MINDY1: variants seen among roughly 807,000 people sequenced by gnomAD.
The protein encoded by MINDY1 is MINDY lysine 48 deubiquitinase 1.
In MINDY1, 50 loss-of-function variants were observed where a neutral mutation model predicts 53.6. The observed-to-expected ratio is 0.93, with a 90% confidence interval of 0.74 to 1.18. The LOEUF is 1.18. Ranked by LOEUF, MINDY1 falls within the 50% of genes most tolerant of loss-of-function variation. The pLI, the probability that MINDY1 is intolerant of heterozygous loss-of-function variation, is 0.00. For missense variants in MINDY1, 484 were observed against 578.6 expected (o/e 0.84, Z 1.68); for synonymous variants, 231 against 234.7 (o/e 0.98, Z 0.14).
chr1:151,001,446 C>T (rs1558055738), intron 3 of MINDY1, 132 bp from the exon 4 acceptor site: 1 of 1,070,206 alleles, frequency 9.3e-7, no homozygotes, highest in East Asian at 2.4e-5. Flanking sequence ...AGAGTCTAAT[C>T]CAGACTCTTC....
At chr1:151,007,215 A>G (rs587738661), upstream of MINDY1, among the ~76,000 whole-genome samples, 1 of 152,298 alleles carries the variant, frequency 6.6e-6, no homozygotes, top group East Asian at 1.9e-4. Flanking sequence ...GTGTGGTAGA[A>G]GCCCCAGGCT....
chr1:151,000,324 G>T, intron 5 of MINDY1, 133 bp downstream of exon 5: 2 of 899,276 alleles, frequency 2.2e-6, no homozygotes, highest in Non-Finnish European at 1.7e-6. Context: ...TCTGTACTGG[G>T]TCCAGTCTCT....
chr1:151,005,756 G>A (rs971834065), intron 1 of MINDY1, among the ~76,000 whole-genome samples: 1 of 152,182 alleles, frequency 6.6e-6, no homozygotes, highest in Non-Finnish European at 1.5e-5. Context: ...GAAAGAATGA[G>A]GGAGAGGATA....
In MINDY1 at chr1:150,998,243, C is replaced by G. The variant is rs755785154; in HGVS notation, c.1012G>C (p.Gly338Arg). 1.2e-5 allele frequency: 19 copies of G among 1,613,948 alleles called. No individual in the cohort carries two copies. Among genetic ancestry groups the G allele is most frequent in the Non-Finnish European group, 1.6e-5 (19 of 1,180,002 alleles). ...SHLYLLVTDQ[G>R]FLQEEQVVWE... The stretch of plus-strand genomic sequence containing the variant: ...ACGACTTGCTCCTCCTGTAGAAAGC[C>G]CTGGTCAGTGACCAGTAGGTATAAG... Residue 338 changes from glycine (G) to arginine (R), a missense_variant, in exon 8 of 10, where the codon GGC becomes CGC. Transcript: ENST00000683666.
In MINDY1 at chr1:151,002,034, C is replaced by T; in HGVS notation, c.453+131G>A. On this transcript the variant is annotated intron_variant, in intron 2 of 9. Transcript: ENST00000683666. This position sits in a 1 kb window ranked among gnomAD's most constrained non-coding sequence, Gnocchi z 4.1. The stretch of plus-strand genomic sequence containing the variant: ...TTAGGAACATCTTATCTCATTTGCT[C>T]AAGCTGGAGAAATAGGGAGAACAAT... 1 of 979,758 alleles carries T rather than the reference C, an allele frequency of 1.0e-6. No individual in the cohort carries two copies. The highest frequency in any genetic ancestry group is 1.5e-6 in the Non-Finnish European group (1 of 668,962). The allele number at this position is 979,758 out of a possible 1,614,324, so 60.7% of individuals were successfully genotyped here.
At chr1:151,004,818 T>C (rs1355056721) in intron 1 of MINDY1, among the ~76,000 whole-genome samples, 1 of 152,058 alleles carries the variant, frequency 6.6e-6, no homozygotes, top group Admixed American at 6.6e-5. Flanking sequence ...TTGTCTTTTC[T>C]CCACCCTCCT....
upstream of MINDY1, chr1:151,008,154 G>A (rs587667929): frequency 3.1e-5 from 25 of 801,646 alleles, 1 homozygote; most frequent in South Asian, 1.1e-3. Flanking sequence ...AATGTCACCA[G>A]ATGCTCGGTG....
At position 150,999,937 on chromosome 1, in the gene MINDY1, T is replaced by C. The variant is rs1210123823; in HGVS notation, c.763A>G (p.Lys255Glu). 1 of 1,614,056 alleles carries C rather than the reference T, an allele frequency of 6.2e-7. No homozygotes were observed. Among genetic ancestry groups the C allele is most frequent in the Non-Finnish European group, 8.5e-7 (1 of 1,179,986 alleles). ...QSPEAVRAVG[K>E]LSYNQLVERI... ...TCCACCAGCTGGTTGTAACTCAGTT[T>C]CCCAACTGCACGCACAGCCTCAGGA... The change falls in exon 6 of 10, where the codon AAA (lysine) becomes GAA (glutamate). Residue 255 changes from lysine to glutamate, a missense_variant. Coordinates refer to ENST00000683666, the MANE Select transcript of MINDY1 (RefSeq NM_001376665.1). This position sits in a 1 kb window ranked among gnomAD's most constrained non-coding sequence, Gnocchi z 4.4.
Position 150,997,480 on chromosome 1 carries a change from G to A in MINDY1, c.1330-113C>T. 2.6e-6 allele frequency: 4 copies of A among 1,541,386 alleles called. No homozygotes were observed. The East Asian group carries it at 9.6e-5, about 37-fold the overall frequency. ...GAGAGTAGGGAGAGGAAGACAGGAA[G>A]GGGCTCCAGGGGAGAGGGACAGGCA... On this transcript the variant is annotated intron_variant, in intron 9 of 9. Coordinates refer to ENST00000683666, the MANE Select transcript of MINDY1 (RefSeq NM_001376665.1).
In MINDY1 at chr1:151,002,889, A is replaced by G; in HGVS notation, c.-89-183T>C. ...TCCACCTCTAACTTGCTGTGACCAG[A>G]TGAGACCAAGAGGTCGTGGGGCTTC... On this transcript the variant is annotated intron_variant, in intron 1 of 9. Transcript: ENST00000683666. This position sits in a 1 kb window ranked among gnomAD's most constrained non-coding sequence, Gnocchi z 4.1. 7.1e-7 allele frequency: 1 copy of G among 1,404,864 alleles called. No homozygotes were observed. Among genetic ancestry groups the G allele is most frequent in the African/African-American group, 1.4e-5 (1 of 69,242 alleles). 87.0% of individuals were successfully genotyped at this position (1,404,864 alleles called of 1,614,324 possible). A position where few individuals can be genotyped will look rare whatever the true frequency, so the allele number is the denominator to read the frequency against.
At chr1:151,001,430 A>G (rs1395847660) in intron 3 of MINDY1, 116 bp from the exon 4 acceptor site, 2 of 1,219,482 alleles carry the variant, frequency 1.6e-6, no homozygotes, top group African/African-American at 3.0e-5. Context: ...GAGCTGGAAA[A>G]TACTTAGAGT....
chr1:151,006,556 A>G lies in MINDY1; in HGVS notation c.-334T>C, dbSNP rs587615737. 15 of 999,242 alleles carry G rather than the reference A, an allele frequency of 1.5e-5. No homozygotes were observed. In the East Asian group the frequency reaches 3.2e-4, roughly 21 times the overall value. The allele number at this position is 999,242 out of a possible 1,614,324, so 61.9% of individuals were successfully genotyped here. On this transcript the variant is annotated 5_prime_UTR_variant, in exon 1 of 10. Coordinates refer to ENST00000683666, the MANE Select transcript of MINDY1 (RefSeq NM_001376665.1). ...GTGAAGGCAGGCAGGGACACAGCCA[A>G]GGTGCTCCAGGTCGCTCAGAGAGTC...
At chr1:150,997,508 G>C in intron 9 of MINDY1, 116 bp downstream of exon 9, 2 of 1,569,940 alleles carry the variant, frequency 1.3e-6, no homozygotes, top group African/African-American at 1.3e-5. Context: ...GACAGGCAGG[G>C]GAAGGACTCT....
rs754819337 is a variant in MINDY1 at position 150,999,362 on chromosome 1, G to A, written c.981+7C>T. 5.0e-6 allele frequency: 8 copies of A among 1,613,760 alleles called. No individual in the cohort carries two copies. Among genetic ancestry groups the A allele is most frequent in the South Asian group, 1.1e-5 (1 of 91,068 alleles). ...ACCGCAGCACGCCACCCCCAAACTC[G>A]CATTACCTTATGCTTAGTCATGGTG... On this transcript the variant is annotated splice_region_variant and intron_variant, in intron 7 of 9. Transcript: ENST00000683666. The surrounding 1 kb of genome is among the most constrained non-coding windows in gnomAD (Gnocchi z 4.4).
Position 150,999,375 on chromosome 1 carries a change from C to T in MINDY1, c.975G>A (p.Lys325=), listed in dbSNP as rs769865387. 6.8e-6 allele frequency: 11 copies of T among 1,613,996 alleles called. No individual in the cohort carries two copies. The highest frequency in any genetic ancestry group is 1.7e-6 in the Non-Finnish European group (2 of 1,180,016). Residue 325 remains lysine, a synonymous_variant, in exon 7 of 10, where the codon AAG becomes AAA. Transcript: ENST00000683666. This position sits in a 1 kb window ranked among gnomAD's most constrained non-coding sequence, Gnocchi z 4.4. ...FRNNHFSTMT[K]HKSHLYLLVT... Reference sequence around the variant, plus strand: ...ACCCCCAAACTCGCATTACCTTATGCTTAGTCATGGTGCTAAAGTGGTTGT... The same window carrying T: ...ACCCCCAAACTCGCATTACCTTATGTTTAGTCATGGTGCTAAAGTGGTTGT...
In MINDY1 at chr1:151,001,237, C is replaced by T. The variant is rs370796115; in HGVS notation, c.576+13G>A. On this transcript the variant is annotated intron_variant, in intron 4 of 9. Transcript: ENST00000683666. The stretch of plus-strand genomic sequence containing the variant: ...ACCTGCAAACCCCTATGCCTGCAGA[C>T]CTTTTGCCTCACCTGCTGAAAATTA... 1.7e-4 allele frequency: 268 copies of T among 1,614,036 alleles called. No homozygotes were observed. Among genetic ancestry groups the T allele is most frequent in the Non-Finnish European group, 2.2e-4 (260 of 1,180,002 alleles).
In MINDY1 at chr1:151,000,545, C is replaced by G; in HGVS notation, c.647G>C (p.Gly216Ala). The G allele has an allele frequency of 6.2e-7, 1 of 1,614,120 alleles. No individual in the cohort carries two copies. Among genetic ancestry groups the G allele is most frequent in the Non-Finnish European group, 8.5e-7 (1 of 1,180,030 alleles). ...TGLDVNVRFT[G>A]VSDFEYTPEC... ...GGGTGTATACTCAAAATCAGAGACG[C>G]CTGTGAATCGCACATTGACATCCAG... is the stretch of plus-strand genomic sequence containing the variant. The change falls in exon 5 of 10, where the codon GGC (glycine) becomes GCC (alanine). Residue 216 changes from glycine to alanine, a missense_variant. Physicochemically the swap from Gly to Ala is moderately conservative, Grantham distance 60. Coordinates refer to ENST00000683666, the MANE Select transcript of MINDY1 (RefSeq NM_001376665.1).
At chr1:151,006,255 G>A in intron 1 of MINDY1, 57 bp downstream of exon 1, 8 of 1,495,896 alleles carry the variant, frequency 5.3e-6, no homozygotes, top group Non-Finnish European at 7.2e-6. Flanking sequence ...AAGCTGGAGA[G>A]GAAATAGAGA....
At chr1:151,004,371 A>G (rs587637894) in intron 1 of MINDY1, among the ~76,000 whole-genome samples, 1 of 152,240 alleles carries the variant, frequency 6.6e-6, no homozygotes, top group Non-Finnish European at 1.5e-5. Context: ...CCTTTGGAAA[A>G]CATCTCCCTT....
Sources: allele counts gnomAD v4.1 joint callset (sites outside exome capture counted in the v4.1 genomes callset), GRCh38; gene constraint gnomAD v4.1.1; non-coding constraint Gnocchi (gnomAD v3.1); transcripts MANE v1.5; gene names NCBI Gene and HGNC (gene_info 2026-07-23, HGNC 2026-07-21).